Variants in CARMIL1 observed in about 807,000 individuals in gnomAD.
CARMIL1 encodes the protein capping protein regulator and myosin 1 linker 1.
CARMIL1 carries 90 observed loss-of-function variants against 177.1 expected under a neutral mutation model. That is an observed-to-expected ratio of 0.51 (90% CI 0.43 to 0.61). The LOEUF is 0.61. Among genes scored for constraint, CARMIL1 ranks in the 20% least tolerant of loss-of-function variants. The pLI, the probability that CARMIL1 is intolerant of heterozygous loss-of-function variation, is 0.00. For missense variants in CARMIL1, 1,380 were observed against 1,667.0 expected (o/e 0.83, Z 3.00); for synonymous variants, 577 against 606.2 (o/e 0.95, Z 0.71).
At chr6:25,444,211 C>T (rs543576633) in intron 5 of CARMIL1, among the ~76,000 whole-genome samples, 106 of 152,216 alleles carry the variant, frequency 7.0e-4, no homozygotes, top group African/African-American at 2.3e-3. Context: ...GCATTTTACT[C>T]ACAGTAGAAC....
At chr6:25,371,743 C>A (rs916806147) in intron 2 of CARMIL1, among the ~76,000 whole-genome samples, 2 of 152,148 alleles carry the variant, frequency 1.3e-5, no homozygotes, top group African/African-American at 4.8e-5. Flanking sequence ...ATTTGCTGTG[C>A]AGAAGCTTTT....
intron 2 of CARMIL1, among the ~76,000 whole-genome samples, chr6:25,300,190 A>G (rs1014063361): frequency 2.0e-5 from 3 of 152,188 alleles, no homozygotes; most frequent in African/African-American, 7.2e-5. Context: ...CTAAAAGTCT[A>G]TATGCATTTA....
chr6:25,352,375 A>G (rs372124418), intron 2 of CARMIL1, among the ~76,000 whole-genome samples: 3 of 145,534 alleles, frequency 2.1e-5, no homozygotes, highest in Non-Finnish European at 3.0e-5. Flanking sequence ...TCCAGCTTTT[A>G]TTATGTGCTG....
chr6:25,467,867 C>T (rs1387300111), intron 9 of CARMIL1, among the ~76,000 whole-genome samples: 1 of 152,108 alleles, frequency 6.6e-6, no homozygotes, highest in African/African-American at 2.4e-5. Flanking sequence ...AAAAAGAATA[C>T]TAAATTCTTG....
chr6:25,581,613 A>G (rs565600281), intron 31 of CARMIL1, among the ~76,000 whole-genome samples, 174 bp downstream of exon 31: 1 of 152,334 alleles, frequency 6.6e-6, no homozygotes, highest in African/African-American at 2.4e-5. Context: ...ACAATTTTGG[A>G]GAATGAACAG....
intron 5 of CARMIL1, among the ~76,000 whole-genome samples, chr6:25,444,786 G>A (rs1351498393): frequency 6.6e-6 from 1 of 152,140 alleles, no homozygotes; most frequent in African/African-American, 2.4e-5. Flanking sequence ...ATGGACATCT[G>A]GTATGGTTCC....
At chr6:25,434,020 G>A (rs989076110) in intron 4 of CARMIL1, among the ~76,000 whole-genome samples, 10 of 152,306 alleles carry the variant, frequency 6.6e-5, no homozygotes, top group African/African-American at 2.4e-4. Flanking sequence ...GTAAACGTGT[G>A]CAGATATTTT....
chr6:25,331,382 G>C (rs188063217), intron 2 of CARMIL1, among the ~76,000 whole-genome samples: 110 of 152,342 alleles, frequency 7.2e-4, no homozygotes, highest in Admixed American at 3.3e-3. Context: ...ATAGGCTAAA[G>C]AGATTTTGTG....
Position 25,550,957 on chromosome 6 carries a change from T to C in CARMIL1, c.2376T>C (p.Asn792=), listed in dbSNP as rs753375244. The change falls in exon 27 of 37, where the codon AAT becomes AAC. Residue 792 remains asparagine (N), a synonymous_variant. Transcript: ENST00000329474. ...ATGCTGCTGAGAATCTTTGTCCCAA[T>C]GTGATGAAAAAAGCCCACATTCGAC... is the stretch of plus-strand genomic sequence containing the variant. The part of the protein sequence containing the change: ...MVDAAENLCP[N]VMKKAHIRQD... 1 of 1,613,526 alleles carries C rather than the reference T, an allele frequency of 6.2e-7. No homozygotes were observed. The highest frequency in any genetic ancestry group is 8.5e-7 in the Non-Finnish European group (1 of 1,179,608).
intron 5 of CARMIL1, among the ~76,000 whole-genome samples, chr6:25,437,272 TAA>T (rs1472556024): frequency 2.0e-5 from 3 of 152,222 alleles, no homozygotes; most frequent in Non-Finnish European, 4.4e-5. Context: ...CCCTGAACTT[TAA>T]AGACACTTCA....
intron 13 of CARMIL1, among the ~76,000 whole-genome samples, chr6:25,490,735 AAATAAATAAATAAAT>A (rs1803130447): frequency 7.5e-6 from 1 of 134,076 alleles, no homozygotes; most frequent in Non-Finnish European, 1.5e-5. Flanking sequence ...ATAAATAAAT[AAATAAATAAATAAAT>A]AAAAAAAAAT....
intron 2 of CARMIL1, among the ~76,000 whole-genome samples, chr6:25,336,066 T>C (rs999216080): frequency 2.7e-5 from 4 of 150,902 alleles, no homozygotes; most frequent in African/African-American, 9.7e-5. Flanking sequence ...TCCTAGTTCA[T>C]CCCCCTTCCA....
At chr6:25,373,392 CT>C (rs36050000) in intron 2 of CARMIL1, among the ~76,000 whole-genome samples, 89,552 of 122,736 alleles carry the variant, frequency 0.73, 32,061 homozygotes, top group Middle Eastern at 0.79. Flanking sequence ...TGGCCTTCGG[CT>C]TTTTTTTTTT....
chr6:25,597,942 G>A (rs999594983), intron 32 of CARMIL1, among the ~76,000 whole-genome samples: 3 of 152,090 alleles, frequency 2.0e-5, no homozygotes, highest in African/African-American at 4.8e-5. Context: ...TCTAGCTTCC[G>A]GTGTTGCTAT....
intron 9 of CARMIL1, among the ~76,000 whole-genome samples, chr6:25,470,946 C>T (rs1490433839): frequency 6.6e-6 from 1 of 152,136 alleles, no homozygotes; most frequent in Non-Finnish European, 1.5e-5. Flanking sequence ...TTGTCTGTTT[C>T]CCCTGCTGGA....
intron 11 of CARMIL1, 61 bp from the exon 12 acceptor site, chr6:25,482,196 A>G (rs1562197444): frequency 9.0e-6 from 7 of 778,062 alleles, no homozygotes; most frequent in Admixed American, 7.5e-5. Context: ...ATTTTCATCC[A>G]TTGTAAAAAA....
chr6:25,313,305 C>T (rs1333013934), intron 2 of CARMIL1, among the ~76,000 whole-genome samples: 2 of 152,182 alleles, frequency 1.3e-5, no homozygotes, highest in Non-Finnish European at 1.5e-5. Context: ...TTCTTGACAG[C>T]GCCTGCAGCC....
At chr6:25,568,627 G>A (rs151221625) in intron 29 of CARMIL1, among the ~76,000 whole-genome samples, 19 of 152,190 alleles carry the variant, frequency 1.2e-4, no homozygotes, top group African/African-American at 3.9e-4. Flanking sequence ...CAGCCCTTGA[G>A]CCAAGTACTT....
chr6:25,450,987 C>CT (rs1562155616), intron 8 of CARMIL1, among the ~76,000 whole-genome samples: 3 of 20,808 alleles, frequency 1.4e-4, no homozygotes, highest in East Asian at 1.9e-3. Flanking sequence ...CTCTCCCCCT[C>CT]CCCTCTCCCC....
Sources: allele counts gnomAD v4.1 joint callset (sites outside exome capture counted in the v4.1 genomes callset), GRCh38; gene constraint gnomAD v4.1.1; transcripts MANE v1.5; gene names NCBI Gene and HGNC (gene_info 2026-07-23, HGNC 2026-07-21).